DCAF17: variants seen among roughly 807,000 people sequenced by gnomAD.
DCAF17 encodes the protein DDB1- and CUL4-associated factor 17.
A neutral mutation model predicts 66.0 loss-of-function variants in DCAF17; 48 were observed. That is an observed-to-expected ratio of 0.73 (90% CI 0.58 to 0.92). The LOEUF (loss-of-function observed/expected upper bound fraction) is 0.92, where lower values mean the gene tolerates loss of function less well. Among genes scored for constraint, DCAF17 ranks in the 40% least tolerant of loss-of-function variants. The probability of loss-of-function intolerance (pLI) is 0.00; values close to 1 mark genes in which losing one functional copy is unlikely to be tolerated. For synonymous variants in DCAF17, 206 were observed against 214.6 expected (o/e 0.96, Z 0.35); for missense variants, 562 against 622.8 (o/e 0.90, Z 1.04).
intron 4 of DCAF17, among the ~76,000 whole-genome samples, chr2:171,449,205 C>A (rs1435073750): frequency 2.0e-5 from 3 of 152,012 alleles, no homozygotes; most frequent in Non-Finnish European, 4.4e-5. Context: ...CTGAGGTTTC[C>A]CTATGTTGGC....
intron 11 of DCAF17, among the ~76,000 whole-genome samples, chr2:171,477,196 T>G (rs1158275259): frequency 6.6e-6 from 1 of 152,216 alleles, no homozygotes; most frequent in Non-Finnish European, 1.5e-5. Flanking sequence ...CTTTTAAGTT[T>G]TTATTGATGA....
At chr2:171,460,332 A>C (rs1462885191) in intron 8 of DCAF17, among the ~76,000 whole-genome samples, 35 of 151,494 alleles carry the variant, frequency 2.3e-4, no homozygotes, top group Non-Finnish European at 1.6e-4. Flanking sequence ...CAAAAAAAAA[A>C]AAAAAAAAAG....
intron 8 of DCAF17, among the ~76,000 whole-genome samples, chr2:171,459,752 T>G (rs1028337686): frequency 6.6e-6 from 1 of 152,180 alleles, no homozygotes; most frequent in Non-Finnish European, 1.5e-5. Flanking sequence ...TGACAAATTA[T>G]AAAAACTACT....
chr2:171,439,411 C>T (rs768221012), intron 2 of DCAF17, among the ~76,000 whole-genome samples: 5 of 151,832 alleles, frequency 3.3e-5, no homozygotes, highest in Non-Finnish European at 7.4e-5. Flanking sequence ...TTCAAACTCA[C>T]TGATTCTGTC....
intron 6 of DCAF17, among the ~76,000 whole-genome samples, chr2:171,456,136 A>T (rs573578488): frequency 6.6e-6 from 1 of 152,098 alleles, no homozygotes; most frequent in Admixed American, 6.5e-5. Flanking sequence ...CAGGGTTTTT[A>T]TAGTTTTGGG....
intron 9 of DCAF17, among the ~76,000 whole-genome samples, chr2:171,469,612 A>G (rs1243036572): frequency 6.6e-6 from 1 of 152,184 alleles, no homozygotes; most frequent in Non-Finnish European, 1.5e-5. Flanking sequence ...TTGTCATTTA[A>G]TAAACATTTA....
chr2:171,442,637 C>T (rs570309863), intron 2 of DCAF17, among the ~76,000 whole-genome samples: 52 of 150,646 alleles, frequency 3.5e-4, no homozygotes, highest in Non-Finnish European at 5.5e-4. Flanking sequence ...CCCAACACTT[C>T]GGGAGGCTGA....
intron 13 of DCAF17, 56 bp from the exon 14 acceptor site, chr2:171,480,918 A>G (rs763066284): frequency 5.7e-5 from 91 of 1,608,118 alleles, no homozygotes; most frequent in Non-Finnish European, 7.5e-5. Context: ...TTTTAGTAAC[A>G]CAGTAGTGAA....
chr2:171,478,344 ATTGTT>A (rs1041427540), intron 12 of DCAF17, among the ~76,000 whole-genome samples: 38 of 152,242 alleles, frequency 2.5e-4, no homozygotes, highest in African/African-American at 8.9e-4. Flanking sequence ...TTTATTTTGT[ATTGTT>A]TTGTTTTGTT....
At position 171,473,623 on chromosome 2, in the gene DCAF17, TA is replaced by T. The variant is rs11366327; in HGVS notation, c.982-241del. On this transcript the variant is annotated intron_variant, in intron 9 of 13. Coordinates refer to ENST00000375255, the MANE Select transcript of DCAF17 (RefSeq NM_025000.4). The stretch of plus-strand genomic sequence containing the variant: ...TGAGATATGGTATCTCTTGGGTTAT[TA>T]ACTCCTGTTTGTGAGATATAGGGTA... 0.2 allele frequency among the ~76,000 whole-genome samples: 30,692 copies of T among 152,124 alleles called. 3,236 individuals are homozygous for T. The highest frequency in any genetic ancestry group is 0.28 in the South Asian group (1,350 of 4,824).
intron 10 of DCAF17, 117 bp downstream of exon 10, chr2:171,474,092 T>C: frequency 1.2e-6 from 1 of 815,734 alleles, no homozygotes; most frequent in Non-Finnish European, 2.1e-6. Flanking sequence ...AGCTTGTTGT[T>C]GGGTGCTTCC....
At chr2:171,447,854 A>G (rs1381441163) in intron 3 of DCAF17, among the ~76,000 whole-genome samples, 1 of 152,196 alleles carries the variant, frequency 6.6e-6, no homozygotes, top group African/African-American at 2.4e-5. Flanking sequence ...CCTGCCTTAG[A>G]CTTCCACCTT....
intron 2 of DCAF17, among the ~76,000 whole-genome samples, chr2:171,437,662 T>C (rs1694051827): frequency 1.3e-5 from 2 of 152,234 alleles, no homozygotes. Context: ...ATGGTGTCTT[T>C]CAAGGAATTC....
intron 3 of DCAF17, among the ~76,000 whole-genome samples, chr2:171,447,171 T>C (rs1694675040): frequency 6.6e-6 from 1 of 152,002 alleles, no homozygotes; most frequent in Admixed American, 6.6e-5. Context: ...GTATAATGTG[T>C]TATTCAATTA....
At chr2:171,440,775 T>C (rs576872873) in intron 2 of DCAF17, among the ~76,000 whole-genome samples, 1 of 152,336 alleles carries the variant, frequency 6.6e-6, no homozygotes, top group South Asian at 2.1e-4. Context: ...CCTGGGCTTA[T>C]GTTCCTGGAA....
chr2:171,443,313 G>C (rs1372803680), intron 2 of DCAF17: 1 of 444,050 alleles, frequency 2.3e-6, no homozygotes, highest in African/African-American at 2.0e-5. Flanking sequence ...GTTATTTTTG[G>C]CAGTTTTATG....
In DCAF17 at chr2:171,476,895, C is replaced by A. The variant is rs761867442; in HGVS notation, c.1127C>A (p.Ser376Tyr). The change falls in exon 11 of 14, where the codon TCT becomes TAT. Residue 376 changes from serine to tyrosine, a missense_variant. Ser to Tyr is a moderately radical substitution (Grantham distance 144). Transcript: ENST00000375255. ...LKLTEIENNS[S>Y]QHQISEDFVI... is the part of the protein sequence containing the mutation. ...CTAACTGAAATAGAAAATAATAGTT[C>A]TCAGCATCAGATCTCTGAAGATTTT... 5 of 1,613,710 alleles carry A rather than the reference C, an allele frequency of 3.1e-6. No homozygotes were observed. The highest frequency in any genetic ancestry group is 4.5e-5 in the East Asian group (2 of 44,812).
At chr2:171,455,786 G>A (rs1464441815) in intron 6 of DCAF17, among the ~76,000 whole-genome samples, 1 of 151,988 alleles carries the variant, frequency 6.6e-6, no homozygotes, top group Non-Finnish European at 1.5e-5. Context: ...TTTTTTTCAT[G>A]TGCTTGTTGG....
At chr2:171,473,379 A>G (rs993818003) in intron 9 of DCAF17, among the ~76,000 whole-genome samples, 1 of 152,132 alleles carries the variant, frequency 6.6e-6, no homozygotes, top group African/African-American at 2.4e-5. Context: ...CTAAGGTGAG[A>G]GGATCACTTG....
Sources: allele counts gnomAD v4.1 joint callset (sites outside exome capture counted in the v4.1 genomes callset), GRCh38; gene constraint gnomAD v4.1.1; transcripts MANE v1.5; gene names NCBI Gene and HGNC (gene_info 2026-07-23, HGNC 2026-07-21).